The following EBF1 variants were observed in gnomAD, a reference collection of about 807,000 sequenced individuals.
EBF1 encodes transcription factor COE1.
In EBF1, 10 loss-of-function variants were observed where a neutral mutation model predicts 68.4. That is an observed-to-expected ratio of 0.15 (90% CI 0.09 to 0.25). The LOEUF is 0.25. Among genes scored for constraint, EBF1 ranks in the 10% least tolerant of loss-of-function variants. EBF1 has a pLI of 1.00. For missense variants in EBF1, 509 were observed against 794.4 expected (o/e 0.64, Z 4.32); for synonymous variants, 298 against 299.8 (o/e 0.99, Z 0.06).
At chr5:159,029,309 C>T (rs1021939194) in intron 6 of EBF1, among the ~76,000 whole-genome samples, 1 of 152,110 alleles carries the variant, frequency 6.6e-6, no homozygotes, top group Non-Finnish European at 1.5e-5. Flanking sequence ...CCAATAGAAT[C>T]GAGCACTGGA....
chr5:158,863,854 G>A (rs1795390337), intron 6 of EBF1, among the ~76,000 whole-genome samples: 1 of 152,070 alleles, frequency 6.6e-6, no homozygotes, highest in South Asian at 2.1e-4. Context: ...TGATGCCAAA[G>A]TCTCATGAAA....
intron 8 of EBF1, among the ~76,000 whole-genome samples, chr5:158,807,792 T>G (rs1246357606): frequency 6.6e-6 from 1 of 152,148 alleles, no homozygotes; most frequent in Non-Finnish European, 1.5e-5. Context: ...CTATACGCAG[T>G]TTGAGAGATG....
At chr5:158,793,007 C>G (rs1581932803) in intron 9 of EBF1, among the ~76,000 whole-genome samples, 1 of 152,162 alleles carries the variant, frequency 6.6e-6, no homozygotes, top group African/African-American at 2.4e-5. Flanking sequence ...AAAATGGTGG[C>G]ACAGGCTAAA....
intron 6 of EBF1, among the ~76,000 whole-genome samples, chr5:159,047,250 T>C (rs1448205064): frequency 2.6e-5 from 4 of 152,140 alleles, no homozygotes; most frequent in African/African-American, 9.7e-5. Flanking sequence ...GGAATGTCCG[T>C]GACAGAAGCA....
intron 8 of EBF1, among the ~76,000 whole-genome samples, chr5:158,813,119 T>TA (rs1783014254): frequency 6.6e-6 from 1 of 152,176 alleles, no homozygotes; most frequent in South Asian, 2.1e-4. Context: ...CTGTACCACT[T>TA]ACACTATTAT....
chr5:158,707,588 G>A (rs112647753), intron 15 of EBF1: 13 of 255,886 alleles, frequency 5.1e-5, no homozygotes, highest in African/African-American at 8.5e-5. Context: ...GGCCAGTCCC[G>A]GGAGAGACCC....
intron 6 of EBF1, among the ~76,000 whole-genome samples, chr5:159,011,565 G>A (rs1209137486): frequency 2.6e-5 from 4 of 152,152 alleles, no homozygotes; most frequent in Non-Finnish European, 4.4e-5. Flanking sequence ...GAATGGAAGC[G>A]GGTGGGGTAC....
rs562247327 is a variant in EBF1, at chr5:158,832,257, C to T, written c.636+7772G>A. On this transcript the variant is annotated intron_variant, in intron 7 of 15. Coordinates refer to ENST00000313708, the MANE Select transcript of EBF1 (RefSeq NM_024007.5). Reference sequence around the variant, plus strand: ...CTCTAAGTGCAGGGCGACCACTCATCAAATGCTGTTCATAAAGATTCCTTC... The same window carrying T: ...CTCTAAGTGCAGGGCGACCACTCATTAAATGCTGTTCATAAAGATTCCTTC... 2.0e-5 allele frequency among the ~76,000 whole-genome samples: 3 copies of T among 152,364 alleles called. No homozygotes were observed. In the South Asian group the frequency reaches 6.2e-4, roughly 32 times the overall value.
intron 6 of EBF1, among the ~76,000 whole-genome samples, chr5:158,914,047 G>A (rs1485752434): frequency 1.3e-5 from 2 of 152,182 alleles, no homozygotes; most frequent in Non-Finnish European, 2.9e-5. Flanking sequence ...ACAACCTGAT[G>A]TGGTGGGGCC....
intron 11 of EBF1, among the ~76,000 whole-genome samples, chr5:158,722,495 G>GGT (rs146155535): frequency 0.015 from 2,291 of 152,190 alleles, 64 homozygotes; most frequent in African/African-American, 0.052. Flanking sequence ...TTGTATGTTT[G>GGT]GTGTGTGTGT....
At chr5:159,069,420 G>A (rs1777428062) in intron 6 of EBF1, among the ~76,000 whole-genome samples, 1 of 152,084 alleles carries the variant, frequency 6.6e-6, no homozygotes, top group African/African-American at 2.4e-5. Flanking sequence ...TCAGGAGTCT[G>A]TGTGAAAAGA....
intron 11 of EBF1, among the ~76,000 whole-genome samples, chr5:158,726,824 TTGAA>T (rs1304505413): frequency 2.6e-5 from 4 of 152,198 alleles, no homozygotes; most frequent in Non-Finnish European, 4.4e-5. Context: ...GGGCCTGAGT[TTGAA>T]TGAATGGTAG....
intron 10 of EBF1, among the ~76,000 whole-genome samples, chr5:158,764,502 C>T (rs555698223): frequency 6.6e-6 from 1 of 152,180 alleles, no homozygotes; most frequent in Admixed American, 6.5e-5. Context: ...TTTATTGCAT[C>T]TCACTCCGTG....
At chr5:159,055,835 C>T (rs1473226502) in intron 6 of EBF1, among the ~76,000 whole-genome samples, 1 of 152,160 alleles carries the variant, frequency 6.6e-6, no homozygotes, top group Non-Finnish European at 1.5e-5. Flanking sequence ...GGGAGGACCA[C>T]AAAGTGCTTC....
chr5:158,726,009 A>G (rs1362434172), intron 11 of EBF1, among the ~76,000 whole-genome samples: 5 of 152,260 alleles, frequency 3.3e-5, no homozygotes, highest in African/African-American at 1.2e-4. Context: ...GACAAAGTGC[A>G]GGAAAATTTA....
chr5:158,818,445 A>C (rs1582177320), intron 8 of EBF1, among the ~76,000 whole-genome samples: 1 of 152,216 alleles, frequency 6.6e-6, no homozygotes, highest in South Asian at 2.1e-4. Context: ...AAGATCAAGA[A>C]CACCACCATA....
intron 6 of EBF1, among the ~76,000 whole-genome samples, chr5:158,861,586 A>C (rs1169424764): frequency 2.0e-5 from 3 of 152,352 alleles, no homozygotes; most frequent in Non-Finnish European, 2.9e-5. Context: ...CCAATGGCAC[A>C]GGAGTTGAGA....
At chr5:158,996,737 G>A (rs12055028) in intron 6 of EBF1, among the ~76,000 whole-genome samples, 39,356 of 152,098 alleles carry the variant, frequency 0.26, 5,717 homozygotes, top group South Asian at 0.51. Context: ...ACAAATGCAA[G>A]GAATTATGAT....
At chr5:158,707,522 G>A (rs571410510) in intron 15 of EBF1, 35 of 236,634 alleles carry the variant, frequency 1.5e-4, no homozygotes, top group South Asian at 4.1e-4. Context: ...CCCCACACAC[G>A]TTCACTCTGA....
Sources: allele counts gnomAD v4.1 joint callset (sites outside exome capture counted in the v4.1 genomes callset), GRCh38; gene constraint gnomAD v4.1.1; transcripts MANE v1.5; gene names NCBI Gene and HGNC (gene_info 2026-07-23, HGNC 2026-07-21).